Variants in MCF2L2 observed in about 807,000 individuals in gnomAD.
The protein encoded by MCF2L2 is probable guanine nucleotide exchange factor MCF2L2.
MCF2L2 carries 102 observed loss-of-function variants against 150.2 expected under a neutral mutation model. The observed-to-expected ratio is 0.68, with a 90% CI of 0.58 to 0.80. The LOEUF (loss-of-function observed/expected upper bound fraction) is 0.80, where lower values mean the gene tolerates loss of function less well. MCF2L2 is among the 30% of genes least tolerant of loss of function. The pLI, the probability that MCF2L2 is intolerant of heterozygous loss-of-function variation, is 0.00. For synonymous variants in MCF2L2, 465 were observed against 491.3 expected, an observed-to-expected ratio of 0.95 and a Z score of 0.71; for missense variants, 1,256 against 1,372.8, an observed-to-expected ratio of 0.91 and a Z score of 1.34.
rs1484950551 is a variant in MCF2L2 at position 183,181,907 on chromosome 3, C to G, written c.3017-1748G>C. ...ACTGAAAAACCTGACAAGCTCTAGC[C>G]CCTCCGCAGGGTAAGTGGTACCTCC... On this transcript the variant is annotated intron_variant, in intron 27 of 29. Coordinates refer to ENST00000328913, the MANE Select transcript of MCF2L2 (RefSeq NM_015078.4). The surrounding 1 kb of genome is among the most constrained non-coding windows in gnomAD (Gnocchi z 4.3). Among the ~76,000 whole-genome samples the G allele has an allele frequency of 6.6e-6, 1 of 152,156 alleles. No homozygotes were observed. The highest frequency in any genetic ancestry group is 2.4e-5 in the African/African-American group (1 of 41,430).
At position 183,341,399 on chromosome 3, in the gene MCF2L2, G is replaced by A; in HGVS notation, c.366+141C>T. The A allele has an allele frequency of 7.6e-6, 5 of 657,970 alleles. No individual in the cohort carries two copies. In the South Asian group the frequency reaches 9.0e-5, roughly 12 times the overall value. 40.8% of individuals were successfully genotyped at this position (657,970 alleles called of 1,614,324 possible). A position where few individuals can be genotyped will look rare whatever the true frequency, so the allele number is the denominator to read the frequency against. On this transcript the variant is annotated intron_variant, in intron 4 of 29. Coordinates refer to ENST00000328913, the MANE Select transcript of MCF2L2 (RefSeq NM_015078.4). ...TGCAGATGGCAGAGGAGATAGGGAT[G>A]TGACATAACAGCACCTGTTACAAAG...
At chr3:183,420,311 A>G (rs982489621) in intron 1 of MCF2L2, among the ~76,000 whole-genome samples, 1 of 152,152 alleles carries the variant, frequency 6.6e-6, no homozygotes, top group African/African-American at 2.4e-5. Flanking sequence ...TGCTATAAAG[A>G]TACAACCTGG....
Position 183,309,804 on chromosome 3 carries a change from T to G in MCF2L2, c.1025A>C (p.Glu342Ala), listed in dbSNP as rs1165401921. Residue 342 changes from glutamate (E) to alanine (A), a missense_variant, in exon 10 of 30, where the codon GAG (glutamate) becomes GCG (alanine). Coordinates refer to ENST00000328913, the MANE Select transcript of MCF2L2 (RefSeq NM_015078.4). ...TCCAATGCCTGTAAACTCTGCTTGC[T>G]CTTCCAGCAAATTATCCAGGGCAAG... ...AKLALDNLLE[E>A]QAEFTGIGDS... is the part of the protein sequence containing the mutation. The G allele has an allele frequency of 1.2e-6, 2 of 1,613,852 alleles. No homozygotes were observed. The highest frequency in any genetic ancestry group is 1.7e-6 in the Non-Finnish European group (2 of 1,180,014).
intron 3 of MCF2L2, among the ~76,000 whole-genome samples, chr3:183,365,856 A>G (rs1474075215): frequency 6.6e-6 from 1 of 152,224 alleles, no homozygotes; most frequent in African/African-American, 2.4e-5. Context: ...CCTCACAGAT[A>G]AAGGGCTAAT....
In MCF2L2 at chr3:183,313,956, T is replaced by G. The variant is rs549301975; in HGVS notation, c.754-2184A>C. Among the ~76,000 whole-genome samples the G allele has an allele frequency of 4.5e-3, 680 of 152,316 alleles. 2 individuals are homozygous for G. The highest frequency in any genetic ancestry group is 0.016 in the African/African-American group (650 of 41,560). ...GCCGTTGTGCGTGTGCCCTGAGCAC[T>G]TGCTCGTACTCTCCTTGATGGGTGG... On this transcript the variant is annotated intron_variant, in intron 7 of 29. Transcript: ENST00000328913.
chr3:183,392,739 CT>C (rs1229422040), intron 1 of MCF2L2, among the ~76,000 whole-genome samples: 3 of 152,186 alleles, frequency 2.0e-5, no homozygotes, highest in African/African-American at 7.2e-5. Context: ...TTGCCTGACA[CT>C]TGTGGTCCTG....
chr3:183,287,113 G>A (rs534539078), intron 14 of MCF2L2, among the ~76,000 whole-genome samples: 1 of 151,866 alleles, frequency 6.6e-6, no homozygotes, highest in Non-Finnish European at 1.5e-5. Context: ...ACACCTACAG[G>A]CCTCTGATTC....
rs543834705 is a variant in MCF2L2, at chr3:183,283,138, C to G, written c.1776+5982G>C. Reference sequence around the variant, plus strand: ...CCCTCCTTCATTCTACACATTTTCTCTGATAGTCGTGTTCTAGCCACTAGG... The same window carrying G: ...CCCTCCTTCATTCTACACATTTTCTGTGATAGTCGTGTTCTAGCCACTAGG... On this transcript the variant is annotated intron_variant, in intron 14 of 29. Transcript: ENST00000328913. This position sits in a 1 kb window ranked among gnomAD's most constrained non-coding sequence, Gnocchi z 4.2. 6.6e-6 allele frequency among the ~76,000 whole-genome samples: 1 copy of G among 152,326 alleles called. No individual in the cohort carries two copies. The highest frequency in any genetic ancestry group is 6.5e-5 in the Admixed American group (1 of 15,290).
intron 3 of MCF2L2, among the ~76,000 whole-genome samples, chr3:183,365,383 G>C (rs1423325989): frequency 6.6e-6 from 1 of 152,158 alleles, no homozygotes; most frequent in Admixed American, 6.5e-5. Flanking sequence ...CACTAGAAAA[G>C]AAGGCAAAGC....
At chr3:183,335,015 A>G (rs9876436) in intron 5 of MCF2L2, among the ~76,000 whole-genome samples, 46,602 of 150,402 alleles carry the variant, frequency 0.31, 9,489 homozygotes, top group African/African-American at 0.58. Context: ...CTACTCAGGA[A>G]TCTGAGGTGG....
intron 3 of MCF2L2, among the ~76,000 whole-genome samples, chr3:183,370,183 G>A (rs959713749): frequency 6.6e-6 from 1 of 152,252 alleles, no homozygotes; most frequent in Admixed American, 6.5e-5. Context: ...AGACCGGATT[G>A]AGAACTTGTC....
chr3:183,231,479 G>A (rs1723556084), intron 15 of MCF2L2, among the ~76,000 whole-genome samples: 1 of 144,612 alleles, frequency 6.9e-6, no homozygotes, highest in Admixed American at 7.4e-5. Context: ...TTAAGAGAAA[G>A]GGTCTTGCCC....
chr3:183,402,929 TAA>T (rs35143006), intron 1 of MCF2L2, among the ~76,000 whole-genome samples: 4 of 148,256 alleles, frequency 2.7e-5, no homozygotes, highest in African/African-American at 5.0e-5. Flanking sequence ...AAAAGATACT[TAA>T]AAAAAAAACA....
intron 1 of MCF2L2, among the ~76,000 whole-genome samples, chr3:183,409,366 G>A (rs1434605212): frequency 6.6e-6 from 1 of 152,096 alleles, no homozygotes; most frequent in Non-Finnish European, 1.5e-5. Context: ...AGCCAGACCT[G>A]ACTTTTGATT....
rs28562044 is a variant in MCF2L2 at position 183,309,947 on chromosome 3, T to C, written c.994-112A>G. The C allele has an allele frequency of 4.8e-3, 5,791 of 1,218,086 alleles. 188 individuals carry two copies. In the African/African-American group the frequency reaches 0.074, roughly 15 times the overall value. 75.5% of individuals were successfully genotyped at this position (1,218,086 alleles called of 1,614,324 possible). ...AATTCCAAAAAGGATTCAAGACTTG[T>C]ATATATCTATATATGTTAAAAATTT... On this transcript the variant is annotated intron_variant, in intron 9 of 29. Coordinates refer to ENST00000328913, the MANE Select transcript of MCF2L2 (RefSeq NM_015078.4).
intron 3 of MCF2L2, chr3:183,376,805 T>G (rs188827406): frequency 1.3e-5 from 2 of 152,188 alleles, no homozygotes. Flanking sequence ...TAATAAACTA[T>G]GAAAATGTGA....
At position 183,206,131 on chromosome 3, in the gene MCF2L2, G is replaced by A. The variant is rs775331754; in HGVS notation, c.2796C>T (p.Tyr932=). The A allele has an allele frequency of 3.7e-6, 6 of 1,614,006 alleles. No homozygotes were observed. In the East Asian group the frequency reaches 1.3e-4, roughly 36 times the overall value. Reference sequence around the variant, plus strand: ...AAGGCATGAGCGTTACCTGCAGGATGTATTTCTCAAGTCCATTTCGACTGG... The same window carrying A: ...AAGGCATGAGCGTTACCTGCAGGATATATTTCTCAAGTCCATTTCGACTGG... ...EIASRNGLEK[Y]ILQAASKEIR... The change falls in exon 24 of 30, where the codon TAC becomes TAT. Residue 932 remains tyrosine, a synonymous_variant. Coordinates refer to ENST00000328913, the MANE Select transcript of MCF2L2 (RefSeq NM_015078.4).
In MCF2L2 at chr3:183,328,845, A is replaced by C. The variant is rs141137838; in HGVS notation, c.487-5494T>G. Among the ~76,000 whole-genome samples the C allele has an allele frequency of 4.5e-4, 68 of 152,352 alleles. No individual in the cohort carries two copies. The East Asian group carries it at 0.011, about 25-fold the overall frequency. On this transcript the variant is annotated intron_variant, in intron 5 of 29. Coordinates refer to ENST00000328913, the MANE Select transcript of MCF2L2 (RefSeq NM_015078.4). Reference sequence around the variant, plus strand: ...CAAAACCCAACAATGTGAAAACAAAAACCCAATTAAAAAAGGGCAAAAGAT... The same window carrying C: ...CAAAACCCAACAATGTGAAAACAAACACCCAATTAAAAAAGGGCAAAAGAT...
At position 183,216,037 on chromosome 3, in the gene MCF2L2, C is replaced by A. The variant is rs767742664; in HGVS notation, c.2428G>T (p.Ala810Ser). Residue 810 changes from alanine (A) to serine (S), a missense_variant, in exon 22 of 30, where the codon GCA (alanine) becomes TCA (serine). Coordinates refer to ENST00000328913, the MANE Select transcript of MCF2L2 (RefSeq NM_015078.4). ...GACTTGATCAAATCCTCTATCACTG[C>A]CAAAGCTTGTTGTAGTTCAGTTGAG... ...AFSTELQQAL[A>S]VIEDLIKSCE... 1.2e-6 allele frequency: 2 copies of A among 1,614,054 alleles called. No homozygotes were observed. Among genetic ancestry groups the A allele is most frequent in the Non-Finnish European group, 1.7e-6 (2 of 1,179,958 alleles).
Sources: allele counts gnomAD v4.1 joint callset (sites outside exome capture counted in the v4.1 genomes callset), GRCh38; gene constraint gnomAD v4.1.1; non-coding constraint Gnocchi (gnomAD v3.1); transcripts MANE v1.5; gene names NCBI Gene and HGNC (gene_info 2026-07-23, HGNC 2026-07-21).